RBFOX1: variants seen among roughly 807,000 people sequenced by gnomAD.
RBFOX1 encodes the protein RNA binding fox-1 homolog 1.
RBFOX1 carries 8 observed loss-of-function variants against 57.7 expected under a neutral mutation model. The observed-to-expected ratio is 0.14, with a 90% CI of 0.08 to 0.25. The LOEUF (loss-of-function observed/expected upper bound fraction) is 0.25. RBFOX1 is among the 10% of genes least tolerant of loss of function. RBFOX1 has a pLI of 1.00. For synonymous variants in RBFOX1, 326 were observed against 222.4 expected (o/e 1.47, Z -4.15); for missense variants, 611 against 548.5 (o/e 1.11, Z -1.14).
At chr16:5,770,098 G>C (rs1422665321) in intron 3 of RBFOX1, among the ~76,000 whole-genome samples, 1 of 152,194 alleles carries the variant, frequency 6.6e-6, no homozygotes, top group South Asian at 2.1e-4. Context: ...GTGATTACGG[G>C]TTGTGGGTGT....
chr16:7,177,499 A>AAC (rs1491359270), intron 4 of RBFOX1, among the ~76,000 whole-genome samples: 1 of 151,872 alleles, frequency 6.6e-6, no homozygotes, highest in East Asian at 1.9e-4. Context: ...AAAAAAAAAA[A>AAC]AGAATACAAA....
intron 1 of RBFOX1, among the ~76,000 whole-genome samples, chr16:6,153,802 C>A (rs1567573224): frequency 6.6e-6 from 1 of 152,222 alleles, no homozygotes; most frequent in Non-Finnish European, 1.5e-5. Context: ...TCCCAAAGTG[C>A]TGGGATTACA....
At chr16:7,645,051 A>G (rs1192669990) in intron 11 of RBFOX1, among the ~76,000 whole-genome samples, 2 of 152,190 alleles carry the variant, frequency 1.3e-5, no homozygotes, top group Non-Finnish European at 2.9e-5. Flanking sequence ...ATTTAGATCA[A>G]TATATTCAGC....
chr16:6,359,011 C>T (rs2087903729), intron 2 of RBFOX1, among the ~76,000 whole-genome samples: 1 of 152,150 alleles, frequency 6.6e-6, no homozygotes, highest in Admixed American at 6.5e-5. Flanking sequence ...GGTTTGAGTT[C>T]CTTCCAAAAC....
At chr16:5,328,634 C>T (rs1276987800) in intron 1 of RBFOX1, among the ~76,000 whole-genome samples, 6 of 152,188 alleles carry the variant, frequency 3.9e-5, no homozygotes, top group African/African-American at 7.2e-5. Context: ...CCTGTCTGCA[C>T]GTGGAAGATC....
chr16:7,199,226 C>A (rs554228652), intron 4 of RBFOX1, among the ~76,000 whole-genome samples: 2 of 152,258 alleles, frequency 1.3e-5, no homozygotes, highest in South Asian at 4.1e-4. Context: ...TTTTAAGGAG[C>A]TAAGAGCTTA....
At chr16:5,679,591 A>T (rs2050267777) in intron 3 of RBFOX1, among the ~76,000 whole-genome samples, 1 of 152,128 alleles carries the variant, frequency 6.6e-6, no homozygotes, top group Non-Finnish European at 1.5e-5. Flanking sequence ...CTTATGAGTG[A>T]GAACATGCAG....
At chr16:7,527,425 G>T (rs1201286290) in intron 5 of RBFOX1, among the ~76,000 whole-genome samples, 1 of 152,084 alleles carries the variant, frequency 6.6e-6, no homozygotes, top group Non-Finnish European at 1.5e-5. Flanking sequence ...CCAGGAACAG[G>T]ATATCTCTGA....
chr16:6,844,724 A>C (rs1603631520), intron 3 of RBFOX1, among the ~76,000 whole-genome samples: 1 of 152,166 alleles, frequency 6.6e-6, no homozygotes, highest in South Asian at 2.1e-4. Context: ...GTTGGGTCAA[A>C]TGGTATTTCT....
intron 2 of RBFOX1, among the ~76,000 whole-genome samples, chr16:6,392,693 A>T (rs1420997159): frequency 6.6e-6 from 1 of 152,232 alleles, no homozygotes; most frequent in Admixed American, 6.5e-5. Context: ...ATGTTGTTCC[A>T]TAAATATCTG....
At chr16:5,678,855 C>T (rs2050245954) in intron 3 of RBFOX1, among the ~76,000 whole-genome samples, 1 of 152,196 alleles carries the variant, frequency 6.6e-6, no homozygotes, top group Non-Finnish European at 1.5e-5. Flanking sequence ...TCACTCTTCT[C>T]ATTCTTATTT....
chr16:5,458,259 G>C (rs188041599), intron 1 of RBFOX1, among the ~76,000 whole-genome samples: 11 of 152,282 alleles, frequency 7.2e-5, no homozygotes, highest in African/African-American at 2.6e-4. Flanking sequence ...AGCCCAGCAT[G>C]TGCTGCATGT....
At chr16:6,738,230 A>T (rs960589193) in intron 3 of RBFOX1, among the ~76,000 whole-genome samples, 1 of 152,122 alleles carries the variant, frequency 6.6e-6, no homozygotes, top group Non-Finnish European at 1.5e-5. Flanking sequence ...ATGGACAGCA[A>T]TCCTTGACAG....
At chr16:6,838,077 G>C (rs1188740220) in intron 3 of RBFOX1, among the ~76,000 whole-genome samples, 1 of 151,830 alleles carries the variant, frequency 6.6e-6, no homozygotes, top group Non-Finnish European at 1.5e-5. Flanking sequence ...TTGTTACAAA[G>C]GTATACATGT....
chr16:5,805,693 G>A (rs1403777980), intron 3 of RBFOX1, among the ~76,000 whole-genome samples: 3 of 152,156 alleles, frequency 2.0e-5, no homozygotes, highest in African/African-American at 7.2e-5. Flanking sequence ...GAACTCAGAG[G>A]GCTATAGGAA....
chr16:7,349,383 C>G (rs767112452), intron 4 of RBFOX1, among the ~76,000 whole-genome samples: 5 of 152,166 alleles, frequency 3.3e-5, no homozygotes, highest in East Asian at 1.9e-4. Flanking sequence ...AAACTAAATC[C>G]TCCTCCTAAT....
At chr16:5,524,545 T>C (rs1189725087) in intron 2 of RBFOX1, among the ~76,000 whole-genome samples, 3 of 44,258 alleles carry the variant, frequency 6.8e-5, no homozygotes, top group Non-Finnish European at 1.0e-4. Context: ...TAGTAGTTGC[T>C]TTTTTTTTTT....
rs545589857 is a variant in RBFOX1, at chr16:5,467,299, G to C, written c.258+45G>C. 1.2e-4 allele frequency: 174 copies of C among 1,447,236 alleles called. 1 individual carries two copies. Among genetic ancestry groups the C allele is most frequent in the South Asian group, 6.8e-4 (55 of 80,334 alleles). 89.6% of individuals were successfully genotyped at this position (1,447,236 alleles called of 1,614,324 possible). ...TGACTTAGGATGTCTGTGAAGTCTA[G>C]TGGAAATGAAAGCAATAGAAAAATC... On this transcript the variant is annotated intron_variant, in intron 2 of 2. Coordinates refer to the RBFOX1 transcript ENST00000585867.
At chr16:6,325,574 G>A (rs190046208) in intron 2 of RBFOX1, among the ~76,000 whole-genome samples, 1 of 152,282 alleles carries the variant, frequency 6.6e-6, no homozygotes, top group Admixed American at 6.5e-5. Context: ...TGAGGATGTA[G>A]TGTTGTTTTC....
Sources: gnomAD v4.1 joint callset for allele counts (sites outside exome capture counted in the v4.1 genomes callset) on GRCh38, gnomAD v4.1.1 for gene constraint, MANE v1.5 for transcripts, NCBI Gene and HGNC (gene_info 2026-07-23, HGNC 2026-07-21) for gene names.